ROBO2: variants seen among roughly 807,000 people sequenced by gnomAD.
The protein encoded by ROBO2 is roundabout guidance receptor 2, also known as roundabout homolog 2.
ROBO2 carries 53 observed loss-of-function variants against 160.8 expected under a neutral mutation model. The observed-to-expected ratio is 0.33, with a 90% CI of 0.26 to 0.41. ROBO2 has a LOEUF of 0.41. ROBO2 is among the 10% of genes least tolerant of loss of function. ROBO2 has a pLI of 1.00. For synonymous variants in ROBO2, 664 were observed against 611.7 expected, an observed-to-expected ratio of 1.09 and a Z score of -1.26; for missense variants, 1,577 against 1,722.4, an observed-to-expected ratio of 0.92 and a Z score of 1.49.
chr3:77,177,010 T>C (rs2080226219), intron 2 of ROBO2, among the ~76,000 whole-genome samples: 1 of 142,412 alleles, frequency 7.0e-6, no homozygotes, highest in Non-Finnish European at 1.6e-5. Context: ...TGTGGATTCA[T>C]TAAGTTTTTG....
At chr3:75,955,490 TA>T (rs1220016246) in intron 2 of ROBO2, among the ~76,000 whole-genome samples, 2 of 151,328 alleles carry the variant, frequency 1.3e-5, no homozygotes, top group South Asian at 2.1e-4. Context: ...AGATAATGTT[TA>T]GGGGGGAGGG....
chr3:77,019,537 A>G (rs1395033940), intron 2 of ROBO2, among the ~76,000 whole-genome samples: 1 of 152,200 alleles, frequency 6.6e-6, no homozygotes, highest in African/African-American at 2.4e-5. Flanking sequence ...GCCAAATGAC[A>G]TAAGAAAATT....
intron 2 of ROBO2, among the ~76,000 whole-genome samples, chr3:76,489,182 T>C (rs745942638): frequency 3.3e-5 from 5 of 151,076 alleles, no homozygotes; most frequent in Non-Finnish European, 5.9e-5. Context: ...TTTTAGGTTT[T>C]GTCACAACCT....
chr3:76,858,283 T>C (rs1005088809), intron 2 of ROBO2, among the ~76,000 whole-genome samples: 1 of 152,118 alleles, frequency 6.6e-6, no homozygotes, highest in Admixed American at 6.5e-5. Context: ...ATAGCTTTGT[T>C]TTTTTTGGAG....
chr3:76,798,140 G>GAGAAAGAA (rs146844266), intron 2 of ROBO2, among the ~76,000 whole-genome samples: 9,826 of 115,500 alleles, frequency 0.085, 523 homozygotes, highest in Admixed American at 0.12. Context: ...AAAGAAGAAA[G>GAGAAAGAA]AGAAAGAAAG....
At chr3:76,356,915 T>C (rs1452953004) in intron 2 of ROBO2, among the ~76,000 whole-genome samples, 1 of 151,958 alleles carries the variant, frequency 6.6e-6, no homozygotes, top group Non-Finnish European at 1.5e-5. Flanking sequence ...TCTATCTAAA[T>C]GTGAGTATTA....
chr3:75,982,767 A>G (rs1455645651), intron 2 of ROBO2, among the ~76,000 whole-genome samples: 1 of 151,368 alleles, frequency 6.6e-6, no homozygotes, highest in Non-Finnish European at 1.5e-5. Flanking sequence ...TCTGCTAGTC[A>G]CCCTTCAACC....
intron 2 of ROBO2, chr3:76,433,973 T>C (rs1183017604): frequency 7.6e-6 from 6 of 786,676 alleles, no homozygotes; most frequent in Non-Finnish European, 1.4e-5. Context: ...TAGAAGAAAA[T>C]TAAGGGCAGT....
intron 2 of ROBO2, among the ~76,000 whole-genome samples, chr3:76,564,042 C>T (rs1291499452): frequency 6.6e-6 from 1 of 152,166 alleles, no homozygotes; most frequent in Non-Finnish European, 1.5e-5. Context: ...CCCATCTCTA[C>T]TAAAAATACA....
chr3:75,966,557 CTCAGCCACCCAATATGGCATGAGT>C (rs1172621438), intron 2 of ROBO2, among the ~76,000 whole-genome samples: 4 of 151,628 alleles, frequency 2.6e-5, no homozygotes, highest in African/African-American at 4.8e-5. Flanking sequence ...TGAATCCTGC[CTCAGCCACCCAATATGGCATGAGT>C]GACGTCAAGT....
chr3:77,382,186 G>A lies in ROBO2; in HGVS notation c.389-95228G>A, dbSNP rs1017345159. On this transcript the variant is annotated intron_variant, in intron 2 of 25. Coordinates refer to ENST00000461745, the Ensembl canonical transcript of ROBO2. ...AGCTGCCCATTGAGTAAAATGTTCT[G>A]CACCGTAAGAGTGAACCGGAAATGG... Among the ~76,000 whole-genome samples the A allele has an allele frequency of 1.3e-4, 20 of 152,076 alleles. 1 individual carries two copies. The highest frequency in any genetic ancestry group is 1.2e-3 in the Admixed American group (19 of 15,250).
chr3:77,003,013 G>A (rs2061406862), intron 2 of ROBO2, among the ~76,000 whole-genome samples: 1 of 152,104 alleles, frequency 6.6e-6, no homozygotes, highest in Non-Finnish European at 1.5e-5. Flanking sequence ...AAAAATAAAA[G>A]GAGAAAGCAA....
chr3:76,841,676 G>T (rs2068278831), intron 2 of ROBO2, among the ~76,000 whole-genome samples: 1 of 152,158 alleles, frequency 6.6e-6, no homozygotes, highest in African/African-American at 2.4e-5. Flanking sequence ...AGGACCATTG[G>T]TGTTTTGTTC....
intron 5 of ROBO2, among the ~76,000 whole-genome samples, chr3:77,511,545 C>T (rs1227587421): frequency 1.3e-5 from 2 of 151,922 alleles, no homozygotes; most frequent in Non-Finnish European, 2.9e-5. Context: ...TGTATGTCTT[C>T]GCTTAGTTTT....
chr3:77,343,239 A>G (rs1299997519), intron 2 of ROBO2, among the ~76,000 whole-genome samples: 2 of 152,164 alleles, frequency 1.3e-5, no homozygotes, highest in Admixed American at 1.3e-4. Context: ...AGTCCAGAGC[A>G]AGTACCTTTG....
At chr3:76,206,827 G>A (rs1702836921) in intron 2 of ROBO2, among the ~76,000 whole-genome samples, 1 of 152,132 alleles carries the variant, frequency 6.6e-6, no homozygotes, top group African/African-American at 2.4e-5. Context: ...AATGTGCAAA[G>A]CATCTGTACC....
At chr3:76,167,131 A>G (rs13324893) in intron 2 of ROBO2, among the ~76,000 whole-genome samples, 7,037 of 151,882 alleles carry the variant, frequency 0.046, 372 homozygotes, top group East Asian at 0.23. Flanking sequence ...AGTAGAGATG[A>G]GATTTCACCA....
At chr3:76,641,577 C>A (rs962131367) in intron 2 of ROBO2, among the ~76,000 whole-genome samples, 2 of 151,974 alleles carry the variant, frequency 1.3e-5, no homozygotes, top group Admixed American at 1.3e-4. Context: ...AATATATGAT[C>A]CTGAATTCAT....
At chr3:77,497,694 A>G in intron 5 of ROBO2, among the ~76,000 whole-genome samples, 1 of 152,124 alleles carries the variant, frequency 6.6e-6, no homozygotes, top group East Asian at 1.9e-4. Flanking sequence ...TGCCTTCAAT[A>G]CATCTTTTCA....
Sources: gnomAD v4.1 joint callset for allele counts (sites outside exome capture counted in the v4.1 genomes callset) on GRCh38, gnomAD v4.1.1 for gene constraint, MANE v1.5 for transcripts, NCBI Gene and HGNC (gene_info 2026-07-23, HGNC 2026-07-21) for gene names.